Variants in RNF180 observed in about 807,000 individuals in gnomAD.
RNF180 encodes the protein ring finger protein 180.
Under a neutral mutation model 59.2 loss-of-function variants are expected in RNF180, and 38 were observed. That is an observed-to-expected ratio of 0.64 (90% CI 0.50 to 0.84). RNF180 has a LOEUF of 0.84. Ranked by LOEUF, RNF180 falls within the 40% of genes least tolerant of loss-of-function variation. The pLI is 0.00. For synonymous variants in RNF180, 262 were observed against 240.3 expected, an observed-to-expected ratio of 1.09 and a Z score of -0.84; for missense variants, 705 against 700.9, an observed-to-expected ratio of 1.01 and a Z score of -0.07.
chr5:64,285,162 C>G (rs1288326973), intron 5 of RNF180, among the ~76,000 whole-genome samples: 1 of 152,146 alleles, frequency 6.6e-6, no homozygotes, highest in Non-Finnish European at 1.5e-5. Flanking sequence ...GCTTTGTTTT[C>G]TGGTCCCTAG....
intron 7 of RNF180, among the ~76,000 whole-genome samples, chr5:64,350,648 C>T (rs890201094): frequency 1.1e-4 from 16 of 152,120 alleles, no homozygotes; most frequent in African/African-American, 3.9e-4. Flanking sequence ...TTTCCCAGCA[C>T]CATTTATTAA....
At position 64,227,314 on chromosome 5, in the gene RNF180, A is replaced by G. The variant is rs190373226; in HGVS notation, c.1227+9918A>G. On this transcript the variant is annotated intron_variant, in intron 5 of 7. Coordinates refer to ENST00000389100, the MANE Select transcript of RNF180 (RefSeq NM_001113561.2). ...CTGGTCCCAGGGAACTCTGGAGCCC[A>G]GCACCCCACCATGGGTGCAGGGGCC... 2.5e-3 allele frequency among the ~76,000 whole-genome samples: 388 copies of G among 152,314 alleles called. 2 individuals carry two copies. The highest frequency in any genetic ancestry group is 8.9e-3 in the African/African-American group (369 of 41,570).
intron 1 of RNF180, among the ~76,000 whole-genome samples, chr5:64,180,347 G>T (rs1208015408): frequency 1.3e-5 from 2 of 151,828 alleles, no homozygotes; most frequent in Non-Finnish European, 2.9e-5. Context: ...GATAAGGCAG[G>T]GTATAAATAA....
chr5:64,205,506 G>C (rs1350418052), intron 2 of RNF180, among the ~76,000 whole-genome samples: 1 of 152,170 alleles, frequency 6.6e-6, no homozygotes, highest in Non-Finnish European at 1.5e-5. Flanking sequence ...GTGTTAGGGA[G>C]TGGCGTCCTT....
chr5:64,234,599 TTTTTTTTTTTTTTTTTTTG>T (rs1742303849), intron 5 of RNF180, among the ~76,000 whole-genome samples: 2 of 90,182 alleles, frequency 2.2e-5, no homozygotes, highest in African/African-American at 8.6e-5. Flanking sequence ...TTTTTTTTTT[TTTTTTTTTTTTTTTTTTTG>T]AGAAGGAGTC....
chr5:64,335,963 A>T (rs937007205), intron 7 of RNF180, among the ~76,000 whole-genome samples: 10 of 152,178 alleles, frequency 6.6e-5, no homozygotes, highest in Non-Finnish European at 1.2e-4. Context: ...GTTTTTATAA[A>T]TATCTCGCAC....
rs761247622 is a variant in RNF180 at position 64,200,920 on chromosome 5, A to G, written c.113A>G (p.Tyr38Cys). The change falls in exon 2 of 8, where the codon TAT becomes TGT. Residue 38 changes from tyrosine to cysteine, a missense_variant. Tyr to Cys is a radical substitution (Grantham distance 194). Coordinates refer to ENST00000389100, the MANE Select transcript of RNF180 (RefSeq NM_001113561.2). ...GCAAGCTCTGGTTGTTTTATGGAGT[A>G]TCTTGAGAATCAAGTGATTAAGGTG... ...CIASSGCFME[Y>C]LENQVIKDKD... The G allele has an allele frequency of 5.6e-6, 9 of 1,613,726 alleles. No homozygotes were observed. Among genetic ancestry groups the G allele is most frequent in the South Asian group, 4.4e-5 (4 of 91,072 alleles).
chr5:64,343,094 TG>T (rs1745421343), intron 7 of RNF180, among the ~76,000 whole-genome samples: 1 of 152,066 alleles, frequency 6.6e-6, no homozygotes, highest in African/African-American at 2.4e-5. Flanking sequence ...TAAAAAATTA[TG>T]ATATATGCAA....
At chr5:64,167,351 A>T (rs915409465) in intron 1 of RNF180, among the ~76,000 whole-genome samples, 17 of 152,116 alleles carry the variant, frequency 1.1e-4, no homozygotes, top group African/African-American at 4.8e-5. Flanking sequence ...TCAACAATTT[A>T]CCAGTTTCCC....
intron 5 of RNF180, among the ~76,000 whole-genome samples, chr5:64,275,411 G>A (rs1741659960): frequency 6.6e-6 from 1 of 150,882 alleles, no homozygotes; most frequent in Non-Finnish European, 1.5e-5. Context: ...GTAGAGAGAA[G>A]TAGGCATCCT....
intron 2 of RNF180, among the ~76,000 whole-genome samples, chr5:64,209,708 G>T (rs1752204384): frequency 6.6e-6 from 1 of 151,924 alleles, no homozygotes. Flanking sequence ...CAAAATTCTG[G>T]ATCTGATAAT....
chr5:64,339,378 G>A (rs1745267727), intron 7 of RNF180, among the ~76,000 whole-genome samples: 1 of 151,756 alleles, frequency 6.6e-6, no homozygotes, highest in Non-Finnish European at 1.5e-5. Context: ...TTCATCACTT[G>A]TAGTATTTTT....
intron 7 of RNF180, among the ~76,000 whole-genome samples, chr5:64,350,247 A>G (rs1171821173): frequency 6.6e-6 from 1 of 152,042 alleles, no homozygotes; most frequent in African/African-American, 2.4e-5. Flanking sequence ...TCCTTTGCCC[A>G]CTTTGTGATG....
At chr5:64,309,523 G>T (rs2112477114) in intron 5 of RNF180, among the ~76,000 whole-genome samples, 1 of 151,196 alleles carries the variant, frequency 6.6e-6, no homozygotes, top group South Asian at 2.1e-4. Context: ...AAATTTTTTT[G>T]TTTTTTTAAT....
At chr5:64,260,825 G>C (rs190897848) in intron 5 of RNF180, among the ~76,000 whole-genome samples, 1 of 152,216 alleles carries the variant, frequency 6.6e-6, no homozygotes, top group East Asian at 1.9e-4. Flanking sequence ...GACTGTGGTA[G>C]GGTATTATAT....
chr5:64,179,013 T>C (rs891212301), intron 1 of RNF180, among the ~76,000 whole-genome samples: 1 of 152,188 alleles, frequency 6.6e-6, no homozygotes, highest in African/African-American at 2.4e-5. Context: ...CAGGTTATCA[T>C]TTTGACCCAG....
intron 7 of RNF180, among the ~76,000 whole-genome samples, chr5:64,352,009 C>T (rs1174049310): frequency 1.3e-5 from 2 of 152,096 alleles, no homozygotes; most frequent in East Asian, 1.9e-4. Flanking sequence ...TGGTAGAATT[C>T]GGCTGTGAAT....
chr5:64,353,459 T>C (rs1053040874), intron 7 of RNF180, among the ~76,000 whole-genome samples: 1 of 151,780 alleles, frequency 6.6e-6, no homozygotes, highest in African/African-American at 2.4e-5. Flanking sequence ...ATCTTTTTAA[T>C]AGAAAAATTG....
At chr5:64,212,359 T>G (rs1157838046) in intron 3 of RNF180, among the ~76,000 whole-genome samples, 199 bp downstream of exon 3, 1 of 151,266 alleles carries the variant, frequency 6.6e-6, no homozygotes, top group Non-Finnish European at 1.5e-5. Flanking sequence ...CACACACACA[T>G]GCACACACAC....
Sources: gnomAD v4.1 joint callset for allele counts (sites outside exome capture counted in the v4.1 genomes callset) on GRCh38, gnomAD v4.1.1 for gene constraint, MANE v1.5 for transcripts, NCBI Gene and HGNC (gene_info 2026-07-23, HGNC 2026-07-21) for gene names.